Variants in DRC7 observed in about 807,000 individuals in gnomAD.
DRC7 encodes coiled-coil domain containing 135.
Under a neutral mutation model 104.4 loss-of-function variants are expected in DRC7, and 80 were observed. The observed-to-expected ratio is 0.77, with a 90% CI of 0.64 to 0.92. The LOEUF (loss-of-function observed/expected upper bound fraction) is 0.92. DRC7 is among the 40% of genes least tolerant of loss of function. The pLI is 0.00. For synonymous variants in DRC7, 405 were observed against 447.3 expected, an observed-to-expected ratio of 0.91 and a Z score of 1.19; for missense variants, 1,034 against 1,141.1, an observed-to-expected ratio of 0.91 and a Z score of 1.35.
intron 2 of DRC7, among the ~76,000 whole-genome samples, chr16:57,697,120 C>A (rs2048601363): frequency 1.3e-5 from 2 of 152,062 alleles, no homozygotes; most frequent in Non-Finnish European, 2.9e-5. Flanking sequence ...GCCATATTGG[C>A]CAGGCTGGTC....
At chr16:57,710,983 T>C (rs568588986) in intron 8 of DRC7, among the ~76,000 whole-genome samples, 1 of 152,354 alleles carries the variant, frequency 6.6e-6, no homozygotes, top group East Asian at 1.9e-4. Context: ...ATCACAGTAA[T>C]GCTGGCCTCA....
intron 2 of DRC7, 126 bp from the exon 3 acceptor site, chr16:57,697,787 C>T (rs2048611364): frequency 4.0e-6 from 4 of 996,470 alleles, no homozygotes; most frequent in Non-Finnish European, 5.9e-6. Flanking sequence ...AAGAGGGAAT[C>T]ACTCCCTATG....
In DRC7 at chr16:57,698,896, T is replaced by A. The variant is rs751186316; in HGVS notation, c.250T>A (p.Tyr84Asn). The change falls in exon 4 of 19, where the codon TAC becomes AAC. Residue 84 changes from tyrosine to asparagine, a missense_variant. Transcript: ENST00000360716. ...TIDISKLPIS[Y>N]KTNTPKEEHL... ...TGACATCTCCAAGCTGCCCATTTCC[T>A]ACAAAACCAACACACCCAAGGAGGA... 6.2e-7 allele frequency: 1 copy of A among 1,614,128 alleles called. No individual in the cohort carries two copies. The highest frequency in any genetic ancestry group is 2.2e-5 in the East Asian group (1 of 44,878).
At chr16:57,709,333 C>T (rs1401181981) in intron 8 of DRC7, among the ~76,000 whole-genome samples, 3 of 151,740 alleles carry the variant, frequency 2.0e-5, no homozygotes, top group African/African-American at 7.3e-5. Context: ...TGTTTTATTT[C>T]TCTGGTTAGT....
chr16:57,704,953 G>A lies in DRC7; in HGVS notation c.777G>A (p.Glu259=), dbSNP rs761410021. ...KPPRDLCSRF[E]QEQEVKKQQE... is the part of the protein sequence containing the mutation. ...CCAGGGACCTGTGCAGCAGGTTTGA[G>A]CAGGAGCAAGAGGTGAAGAAGCAGC... The change falls in exon 7 of 19, where the codon GAG becomes GAA. Residue 259 remains glutamate (E), a synonymous_variant. Transcript: ENST00000360716. 6.2e-7 allele frequency: 1 copy of A among 1,613,820 alleles called. No homozygotes were observed. The highest frequency in any genetic ancestry group is 1.3e-5 in the African/African-American group (1 of 75,016).
intron 2 of DRC7, among the ~76,000 whole-genome samples, chr16:57,697,152 A>G (rs1329438618): frequency 6.6e-6 from 1 of 152,126 alleles, no homozygotes; most frequent in East Asian, 1.9e-4. Flanking sequence ...ACCTCAAGTG[A>G]TCCACCTGCC....
chr16:57,727,136 TTTTG>T, intron 15 of DRC7, 159 bp from the exon 16 acceptor site: 1 of 665,292 alleles, frequency 1.5e-6, no homozygotes, highest in East Asian at 2.7e-5. Context: ...AATTTCTTGT[TTTTG>T]TTTTTGTTTT....
chr16:57,708,142 G>T (rs918347901), intron 8 of DRC7, among the ~76,000 whole-genome samples: 1 of 152,038 alleles, frequency 6.6e-6, no homozygotes, highest in South Asian at 2.1e-4. Context: ...ACACACACGC[G>T]CCTACAAGAG....
rs1043780239 is a variant in DRC7 at position 57,726,730 on chromosome 16, G to C, written c.1975-102G>C. On this transcript the variant is annotated intron_variant, in intron 14 of 18. Transcript: ENST00000360716. ...CAGAGAGGTTTAGCAACTTGCTCGA[G>C]GTCACACAGCTGGAAAGTGGCAGGG... 22 of 672,516 alleles carry C rather than the reference G, an allele frequency of 3.3e-5. No individual in the cohort carries two copies. In the Admixed American group the frequency reaches 5.5e-4, roughly 17 times the overall value. The allele number at this position is 672,516 out of a possible 1,614,324, so 41.7% of individuals were successfully genotyped here.
chr16:57,704,972 A>C lies in DRC7; in HGVS notation c.796A>C (p.Lys266Gln), dbSNP rs753714439. The part of the protein sequence containing the change: ...SRFEQEQEVK[K>Q]QQEIRAQEKK... ...GTTTGAGCAGGAGCAAGAGGTGAAG[A>C]AGCAGCAGGAGATCAGAGCCCAGGA... is the stretch of plus-strand genomic sequence containing the variant. Residue 266 changes from lysine (K) to glutamine (Q), a missense_variant, in exon 7 of 19, where the codon AAG becomes CAG. Transcript: ENST00000360716. 11 of 1,613,536 alleles carry C rather than the reference A, an allele frequency of 6.8e-6. No homozygotes were observed. The highest frequency in any genetic ancestry group is 1.3e-5 in the African/African-American group (1 of 74,890).
In DRC7 at chr16:57,698,877, C is replaced by T; in HGVS notation, c.231C>T (p.Ile77=). 6.2e-7 allele frequency: 1 copy of T among 1,614,110 alleles called. No individual in the cohort carries two copies. The highest frequency in any genetic ancestry group is 8.5e-7 in the Non-Finnish European group (1 of 1,179,978). The stretch of plus-strand genomic sequence containing the variant: ...CCTTTACCAAGGACACTATTGACAT[C>T]TCCAAGCTGCCCATTTCCTACAAAA... The part of the protein sequence containing the change: ...LPAFTKDTID[I]SKLPISYKTN... The change falls in exon 4 of 19, where the codon ATC becomes ATT. Residue 77 remains isoleucine (I), a synonymous_variant. Transcript: ENST00000360716.
At chr16:57,721,562 G>T in intron 9 of DRC7, 105 bp from the exon 10 acceptor site, 3 of 819,512 alleles carry the variant, frequency 3.7e-6, no homozygotes, top group Admixed American at 2.2e-5. Context: ...GAAGCCAACG[G>T]ACCACCTTGG....
intron 6 of DRC7, 76 bp downstream of exon 6, chr16:57,702,206 G>A (rs1370510876): frequency 2.7e-6 from 4 of 1,482,928 alleles, no homozygotes; most frequent in African/African-American, 1.4e-5. Flanking sequence ...CCTTAGAGAC[G>A]TCCATCACTG....
In DRC7 at chr16:57,702,025, C is replaced by T. The variant is rs748875321; in HGVS notation, c.594C>T (p.Ile198=). ...GTACGCTGCTCTGCTCCATGCTTAT[C>T]GGCTCTGGCTATGATGCTTACTGCG... ...DFSTLLCSML[I]GSGYDAYCVN... Residue 198 remains isoleucine (I), a synonymous_variant, in exon 6 of 19, where the codon ATC becomes ATT. Coordinates refer to ENST00000360716, the MANE Select transcript of DRC7 (RefSeq NM_001289162.2). 4.2e-5 allele frequency: 67 copies of T among 1,614,206 alleles called. 1 individual carries two copies. Among genetic ancestry groups the T allele is most frequent in the African/African-American group, 8.0e-5 (6 of 75,042 alleles).
At chr16:57,723,288 C>A (rs570276454) in intron 12 of DRC7, among the ~76,000 whole-genome samples, 158 bp downstream of exon 12, 1 of 152,148 alleles carries the variant, frequency 6.6e-6, no homozygotes, top group African/African-American at 2.4e-5. Flanking sequence ...CTCAGCAAAC[C>A]CGATGTGTGG....
chr16:57,730,773 C>T (rs971299720), intron 17 of DRC7, among the ~76,000 whole-genome samples, 158 bp from the exon 18 acceptor site: 2 of 152,098 alleles, frequency 1.3e-5, no homozygotes, highest in Admixed American at 6.5e-5. Context: ...TTTTGTGGCC[C>T]CTGCCTCTGT....
Position 57,731,346 on chromosome 16 carries a change from T to C in DRC7, c.*88T>C. ...TCCTGTGTTCCCTCTATCCAGCCAA[T>C]GCCTGTTTACACAGACACCTGGCCT... On this transcript the variant is annotated 3_prime_UTR_variant, in exon 19 of 19. Transcript: ENST00000360716. 3.8e-6 allele frequency: 4 copies of C among 1,041,378 alleles called. No individual in the cohort carries two copies. Among genetic ancestry groups the C allele is most frequent in the Non-Finnish European group, 5.8e-6 (4 of 686,776 alleles). The allele number at this position is 1,041,378 out of a possible 1,614,324, so 64.5% of individuals were successfully genotyped here.
intron 10 of DRC7, among the ~76,000 whole-genome samples, chr16:57,722,387 G>A (rs2048913109): frequency 6.6e-6 from 1 of 152,128 alleles, no homozygotes; most frequent in Admixed American, 6.5e-5. Flanking sequence ...GTCCAACAAG[G>A]GGAGGAGGGG....
chr16:57,731,307 TC>T lies in DRC7; in HGVS notation c.*52del. 4.1e-6 allele frequency: 6 copies of T among 1,461,100 alleles called. No homozygotes were observed. The highest frequency in any genetic ancestry group is 5.7e-6 in the Non-Finnish European group (6 of 1,044,884). The allele number at this position is 1,461,100 out of a possible 1,614,324, so 90.5% of individuals were successfully genotyped here. ...GAGCTGCCAGAGAAAGGAAACCTCTTCCCGCAGCCTGGCTCCTGTGTTCCCT... is the reference window on the plus strand; with the variant it reads ...GAGCTGCCAGAGAAAGGAAACCTCTTCCGCAGCCTGGCTCCTGTGTTCCCT... On this transcript the variant is annotated 3_prime_UTR_variant, in exon 19 of 19. Coordinates refer to ENST00000360716, the MANE Select transcript of DRC7 (RefSeq NM_001289162.2).
Sources: allele counts gnomAD v4.1 joint callset (sites outside exome capture counted in the v4.1 genomes callset), GRCh38; gene constraint gnomAD v4.1.1; transcripts MANE v1.5; gene names NCBI Gene and HGNC (gene_info 2026-07-23, HGNC 2026-07-21).